RAD51B: variants seen among roughly 807,000 people sequenced by gnomAD.
RAD51B encodes the protein DNA repair protein RAD51 homolog 2.
A neutral mutation model predicts 42.2 loss-of-function variants in RAD51B; 38 were observed. The ratio of observed to expected loss-of-function variants is 0.90; its 90% CI spans 0.70 to 1.18. The LOEUF (loss-of-function observed/expected upper bound fraction) is 1.18, where lower values mean the gene tolerates loss of function less well. Ranked by LOEUF, RAD51B falls within the 50% of genes most tolerant of loss-of-function variation. RAD51B has a pLI of 0.00. For synonymous variants in RAD51B, 154 were observed against 145.2 expected (o/e 1.06, Z -0.43); for missense variants, 373 against 400.7 (o/e 0.93, Z 0.59).
At chr14:68,638,506 G>A (rs1381451090) in intron 10 of RAD51B, among the ~76,000 whole-genome samples, 2 of 152,112 alleles carry the variant, frequency 1.3e-5, no homozygotes, top group Non-Finnish European at 2.9e-5. Context: ...CTGGGAGGAG[G>A]GAGATGGATG....
At chr14:68,464,337 A>G (rs1042710056) in intron 9 of RAD51B, among the ~76,000 whole-genome samples, 1 of 152,186 alleles carries the variant, frequency 6.6e-6, no homozygotes, top group African/African-American at 2.4e-5. Context: ...CCTCCAATCC[A>G]GTACACTTCC....
chr14:68,492,679 G>A (rs1884169063), intron 10 of RAD51B, among the ~76,000 whole-genome samples: 1 of 152,210 alleles, frequency 6.6e-6, no homozygotes, highest in South Asian at 2.1e-4. Context: ...CAGATTATAA[G>A]GGGAAGGGAA....
intron 7 of RAD51B, among the ~76,000 whole-genome samples, chr14:68,022,115 A>G (rs115903516): frequency 7.9e-5 from 12 of 152,242 alleles, no homozygotes; most frequent in South Asian, 6.2e-4. Flanking sequence ...CACAGTGTCT[A>G]TTGTTCCCAT....
At chr14:68,196,980 A>G (rs1595538485) in intron 7 of RAD51B, among the ~76,000 whole-genome samples, 1 of 152,222 alleles carries the variant, frequency 6.6e-6, no homozygotes, top group African/African-American at 2.4e-5. Context: ...TGGAAATCCT[A>G]TAAACAATGG....
At chr14:67,973,786 G>A (rs1408264688) in intron 7 of RAD51B, among the ~76,000 whole-genome samples, 1 of 152,066 alleles carries the variant, frequency 6.6e-6, no homozygotes, top group Non-Finnish European at 1.5e-5. Flanking sequence ...TTAATTTGGT[G>A]TATCAGGACC....
intron 8 of RAD51B, among the ~76,000 whole-genome samples, chr14:68,353,354 G>A (rs757817171): frequency 5.3e-5 from 8 of 152,348 alleles, no homozygotes; most frequent in African/African-American, 1.4e-4. Context: ...GCATTTTAGC[G>A]AGAGGATATG....
At position 68,448,329 on chromosome 14, in the gene RAD51B, G is replaced by A. The variant is rs79824945; in HGVS notation, c.958-19843G>A. On this transcript the variant is annotated intron_variant, in intron 9 of 10. Coordinates refer to ENST00000471583, the MANE Select transcript of RAD51B (RefSeq NM_133510.4). ...TGACCAGAATAATCTGAGAAAGCTG[G>A]AAGTACAGGCATTTAAGCCACTAAA... Among the ~76,000 whole-genome samples, 670 of 152,314 alleles carry A rather than the reference G, an allele frequency of 4.4e-3. 3 individuals carry two copies. Among genetic ancestry groups the A allele is most frequent in the African/African-American group, 0.016 (648 of 41,560 alleles).
chr14:68,377,279 G>T (rs1335836885), intron 8 of RAD51B, among the ~76,000 whole-genome samples: 5 of 152,112 alleles, frequency 3.3e-5, no homozygotes, highest in African/African-American at 1.2e-4. Context: ...TGAGCGAAGG[G>T]GTTTGTTGTA....
chr14:68,056,105 T>TA (rs2140429439), intron 7 of RAD51B, among the ~76,000 whole-genome samples: 1 of 152,312 alleles, frequency 6.6e-6, no homozygotes, highest in African/African-American at 2.4e-5. Context: ...AGAGCTTACT[T>TA]ACTATATTTA....
chr14:68,420,107 G>A (rs1035935553), intron 9 of RAD51B, among the ~76,000 whole-genome samples: 3 of 152,140 alleles, frequency 2.0e-5, no homozygotes, highest in African/African-American at 7.2e-5. Context: ...GAAGAACTTA[G>A]CTGATAACAT....
intron 7 of RAD51B, among the ~76,000 whole-genome samples, chr14:68,115,105 T>C (rs1424885184): frequency 7.2e-6 from 1 of 139,502 alleles, no homozygotes; most frequent in Non-Finnish European, 1.5e-5. Flanking sequence ...CGTATGTTTA[T>C]TGTGGCATTA....
At chr14:68,639,398 G>A (rs1173630529) in intron 10 of RAD51B, among the ~76,000 whole-genome samples, 1 of 131,632 alleles carries the variant, frequency 7.6e-6, no homozygotes, top group Non-Finnish European at 1.6e-5. Flanking sequence ...AGGCTTTTAT[G>A]AGCCAGGCAT....
chr14:68,350,260 A>G (rs1029081864), intron 8 of RAD51B, among the ~76,000 whole-genome samples: 6 of 152,238 alleles, frequency 3.9e-5, no homozygotes, highest in African/African-American at 1.4e-4. Flanking sequence ...TCTGCAGATT[A>G]TAGAATCTGT....
intron 7 of RAD51B, among the ~76,000 whole-genome samples, chr14:68,090,465 G>A (rs1042232085): frequency 7.2e-5 from 11 of 152,066 alleles, no homozygotes; most frequent in African/African-American, 2.7e-4. Flanking sequence ...TTTTAAGACT[G>A]TATGAGACTT....
chr14:68,429,023 C>T (rs561251732), intron 9 of RAD51B, among the ~76,000 whole-genome samples: 17 of 151,114 alleles, frequency 1.1e-4, no homozygotes, highest in African/African-American at 2.4e-4. Context: ...TTTGTCCTTG[C>T]GATAGTTTGC....
At position 67,980,593 on chromosome 14, in the gene RAD51B, T is replaced by C. The variant is rs372583958; in HGVS notation, c.756+93389T>C. On this transcript the variant is annotated intron_variant, in intron 7 of 10. Coordinates refer to ENST00000471583, the MANE Select transcript of RAD51B (RefSeq NM_133510.4). The stretch of plus-strand genomic sequence containing the variant: ...TGGAGAGTCCAGAAACAGATTCTTA[T>C]GTACATGGGCAACTAAGTTTTCACA... 8.5e-5 allele frequency among the ~76,000 whole-genome samples: 13 copies of C among 152,300 alleles called. No individual in the cohort carries two copies. In the South Asian group the frequency reaches 2.5e-3, roughly 29 times the overall value.
At chr14:68,170,685 A>G (rs1035373599) in intron 7 of RAD51B, among the ~76,000 whole-genome samples, 1 of 152,152 alleles carries the variant, frequency 6.6e-6, no homozygotes, top group African/African-American at 2.4e-5. Flanking sequence ...ATCTCATCCT[A>G]TTAAAAACTT....
At chr14:68,028,555 G>T (rs956319290) in intron 7 of RAD51B, among the ~76,000 whole-genome samples, 1 of 152,158 alleles carries the variant, frequency 6.6e-6, no homozygotes, top group Admixed American at 6.5e-5. Context: ...CACAGCCCTG[G>T]GGTGCCGGGA....
chr14:68,195,728 G>A (rs1595536505), intron 7 of RAD51B, among the ~76,000 whole-genome samples: 1 of 151,342 alleles, frequency 6.6e-6, no homozygotes, highest in African/African-American at 2.4e-5. Flanking sequence ...GACCAGCAGG[G>A]AGAAAACCTG....
Sources: gnomAD v4.1 joint callset for allele counts (sites outside exome capture counted in the v4.1 genomes callset) on GRCh38, gnomAD v4.1.1 for gene constraint, MANE v1.5 for transcripts, NCBI Gene and HGNC (gene_info 2026-07-23, HGNC 2026-07-21) for gene names.